Variants in RGS13 observed in about 807,000 individuals in gnomAD.
RGS13 encodes regulator of G-protein signalling 13.
RGS13 carries 14 observed loss-of-function variants against 19.9 expected under a neutral mutation model. That is an observed-to-expected ratio of 0.70 (90% CI 0.46 to 1.10). The LOEUF (loss-of-function observed/expected upper bound fraction) is 1.10. Among genes scored for constraint, RGS13 ranks in the 50% least tolerant of loss-of-function variants. The pLI is 0.00. For synonymous variants in RGS13, 60 were observed against 56.8 expected (o/e 1.06, Z -0.25); for missense variants, 205 against 187.1 (o/e 1.10, Z -0.56).
rs563642118 is a variant in RGS13 at position 192,659,997 on chromosome 1, A to G, written c.*474A>G. The G allele has an allele frequency of 6.6e-6, 1 of 152,272 alleles. No homozygotes were observed. Among genetic ancestry groups the G allele is most frequent in the South Asian group, 2.1e-4 (1 of 4,824 alleles). The allele number at this position is 152,272 out of a possible 1,614,324, so 9.4% of individuals were successfully genotyped here. ...AATTGTATTATACCATGAGAAAATC[A>G]AAAAGGTGTTCTTCAGAGACATTTT... On this transcript the variant is annotated 3_prime_UTR_variant, in exon 7 of 7. Coordinates refer to ENST00000391995, the MANE Select transcript of RGS13 (RefSeq NM_002927.5).
intron 4 of RGS13, 87 bp from the exon 5 acceptor site, chr1:192,647,839 C>A (rs1038109839): frequency 1.4e-6 from 1 of 734,788 alleles, no homozygotes; most frequent in South Asian, 2.9e-5. Flanking sequence ...ATTTTGGTGT[C>A]ATTTTCAAGA....
chr1:192,653,114 A>T (rs1663371880), intron 5 of RGS13, among the ~76,000 whole-genome samples: 1 of 152,154 alleles, frequency 6.6e-6, no homozygotes, highest in Admixed American at 6.6e-5. Flanking sequence ...AAAAGAGAAC[A>T]GAAGGTAACG....
chr1:192,658,166 C>A, intron 5 of RGS13, 35 bp from the exon 6 acceptor site: 4 of 1,510,816 alleles, frequency 2.6e-6, no homozygotes, highest in Non-Finnish European at 2.7e-6. Context: ...TGATTTTGAC[C>A]CATGAAAATA....
intron 3 of RGS13, among the ~76,000 whole-genome samples, chr1:192,642,536 A>G (rs1340113090): frequency 2.6e-5 from 4 of 151,702 alleles, no homozygotes; most frequent in Non-Finnish European, 5.9e-5. Context: ...TATGCTGCCC[A>G]GGTTGGTCTC....
intron 5 of RGS13, among the ~76,000 whole-genome samples, chr1:192,657,827 G>C (rs1450188920): frequency 6.6e-6 from 1 of 152,068 alleles, no homozygotes; most frequent in Non-Finnish European, 1.5e-5. Flanking sequence ...AGTTTGGCAT[G>C]AGGTCTTAGA....
intron 4 of RGS13, 124 bp downstream of exon 4, chr1:192,644,523 G>T (rs142167657): frequency 2.8e-6 from 2 of 718,472 alleles, no homozygotes; most frequent in South Asian, 3.8e-5. Context: ...GCATTTACAC[G>T]TGAGTCATTT....
Position 192,649,142 on chromosome 1 carries a change from G to A in RGS13, c.127+1155G>A, listed in dbSNP as rs145583633. ...GCATGCCTTTCCAATGGGCATTTGG[G>A]GCCATAGTTTCTTTCTTTGATGCAA... On this transcript the variant is annotated intron_variant, in intron 5 of 6. Transcript: ENST00000391995. 5.9e-5 allele frequency among the ~76,000 whole-genome samples: 9 copies of A among 152,170 alleles called. No homozygotes were observed. The East Asian group carries it at 1.5e-3, about 26-fold the overall frequency.
intron 5 of RGS13, among the ~76,000 whole-genome samples, chr1:192,654,007 C>T (rs1411353044): frequency 1.2e-4 from 18 of 151,670 alleles, no homozygotes. Flanking sequence ...ATGTAAATGA[C>T]GAGTTAATGG....
intron 5 of RGS13, among the ~76,000 whole-genome samples, chr1:192,648,916 CTCTT>C (rs1190916629): frequency 1.3e-5 from 2 of 152,102 alleles, no homozygotes; most frequent in African/African-American, 4.8e-5. Context: ...GCACTACCTG[CTCTT>C]TCTGACTCAA....
intron 5 of RGS13, among the ~76,000 whole-genome samples, chr1:192,657,342 C>G (rs2146608): frequency 6.6e-6 from 1 of 152,050 alleles, no homozygotes. Flanking sequence ...AATACTTGGT[C>G]CTCCCAAAGA....
At chr1:192,641,269 A>G (rs1227060314) in intron 3 of RGS13, among the ~76,000 whole-genome samples, 13 of 111,580 alleles carry the variant, frequency 1.2e-4, no homozygotes, top group African/African-American at 3.5e-4. Flanking sequence ...AAAGAAAGAA[A>G]GAAAGAAAGA....
intron 4 of RGS13, chr1:192,644,650 T>C (rs1460556140): frequency 2.1e-5 from 7 of 327,036 alleles, no homozygotes; most frequent in Non-Finnish European, 3.9e-5. Context: ...TCTGTTCTTT[T>C]TAAAAAACAA....
intron 6 of RGS13, chr1:192,658,914 T>C (rs571152139): frequency 2.3e-4 from 36 of 159,870 alleles, no homozygotes; most frequent in Non-Finnish European, 4.2e-4. Context: ...CTCTTCATTT[T>C]CTTCCCATTT....
chr1:192,639,846 T>C (rs1663075883), intron 3 of RGS13, among the ~76,000 whole-genome samples: 1 of 152,180 alleles, frequency 6.6e-6, no homozygotes, highest in South Asian at 2.1e-4. Flanking sequence ...CCCTAAATTC[T>C]AGTGCATCCA....
chr1:192,649,322 G>A (rs1663295365), intron 5 of RGS13, among the ~76,000 whole-genome samples: 1 of 152,030 alleles, frequency 6.6e-6, no homozygotes. Context: ...TAACTATATT[G>A]TAAATTTTTG....
chr1:192,641,185 A>G (rs980348132), intron 3 of RGS13, among the ~76,000 whole-genome samples: 4 of 148,372 alleles, frequency 2.7e-5, no homozygotes, highest in African/African-American at 9.9e-5. Context: ...AAAGAAAAGA[A>G]AGAAAAAAAA....
chr1:192,638,151 CTTATT>C lies in RGS13; in HGVS notation c.-44-8_-44-4del, dbSNP rs1214726670. The C allele has an allele frequency of 6.6e-6, 1 of 152,132 alleles. No homozygotes were observed. The highest frequency in any genetic ancestry group is 2.1e-4 in the South Asian group (1 of 4,820). The allele number at this position is 152,132 out of a possible 1,614,324, so 9.4% of individuals were successfully genotyped here. A position where few individuals can be genotyped will look rare whatever the true frequency, so the allele number is the denominator to read the frequency against. On this transcript the variant is annotated splice_region_variant and splice_polypyrimidine_tract_variant and intron_variant, in intron 2 of 6. Transcript: ENST00000391995. ...GTCCTCAGACTGTGAATTATATTTT[CTTATT>C]TTATCAGATGATATTCTAACGCTGC...
At chr1:192,638,387 C>G (rs1663049552) in intron 3 of RGS13, among the ~76,000 whole-genome samples, 184 bp downstream of exon 3, 1 of 151,832 alleles carries the variant, frequency 6.6e-6, no homozygotes, top group African/African-American at 2.4e-5. Flanking sequence ...CTCAGGTGGT[C>G]AATCTGACCT....
chr1:192,639,458 C>T (rs909268429), intron 3 of RGS13, among the ~76,000 whole-genome samples: 3 of 151,778 alleles, frequency 2.0e-5, no homozygotes, highest in Admixed American at 1.3e-4. Flanking sequence ...TGTGAACAAT[C>T]GAAATATAGA....
Sources: allele counts gnomAD v4.1 joint callset (sites outside exome capture counted in the v4.1 genomes callset), GRCh38; gene constraint gnomAD v4.1.1; transcripts MANE v1.5; gene names NCBI Gene and HGNC (gene_info 2026-07-23, HGNC 2026-07-21).